The following ABCB11 variants were observed in gnomAD, a reference collection of about 807,000 sequenced individuals.
ABCB11 encodes ATP binding cassette subfamily B member 11, also known as bile salt export pump.
ABCB11 carries 95 observed loss-of-function variants against 148.0 expected under a neutral mutation model. The ratio of observed to expected loss-of-function variants is 0.64; its 90% CI spans 0.54 to 0.76. The LOEUF (loss-of-function observed/expected upper bound fraction) is 0.76. ABCB11 is among the 30% of genes least tolerant of loss of function. The probability of loss-of-function intolerance (pLI) is 0.00; values close to 1 mark genes in which losing one functional copy is unlikely to be tolerated. For missense variants in ABCB11, 1,523 were observed against 1,617.8 expected (o/e 0.94, Z 1.01); for synonymous variants, 591 against 555.4 (o/e 1.06, Z -0.90).
intron 5 of ABCB11, among the ~76,000 whole-genome samples, chr2:169,003,548 T>C (rs11901292): frequency 0.023 from 3,536 of 152,170 alleles, 138 homozygotes; most frequent in African/African-American, 0.08. Context: ...GCTATACACA[T>C]ACATATACAA....
intron 18 of ABCB11, among the ~76,000 whole-genome samples, chr2:168,962,483 G>A (rs1377658024): frequency 2.0e-5 from 3 of 151,496 alleles, no homozygotes; most frequent in African/African-American, 7.3e-5. Context: ...GGAATCTGAT[G>A]GTCCCCTACA....
Position 168,996,734 on chromosome 2 carries a change from G to A in ABCB11, c.390-12C>T. On this transcript the variant is annotated splice_polypyrimidine_tract_variant and intron_variant, in intron 5 of 27. Transcript: ENST00000650372. ...CGATGTTCAGCAACCTTCAAAAGAG[G>A]GAAAAGAATGTTCAGACTTGCAAGT... 6.6e-7 allele frequency: 1 copy of A among 1,521,182 alleles called. No homozygotes were observed. Among genetic ancestry groups the A allele is most frequent in the Non-Finnish European group, 8.9e-7 (1 of 1,126,996 alleles). The allele number at this position is 1,521,182 out of a possible 1,614,324, so 94.2% of individuals were successfully genotyped here. A position where few individuals can be genotyped will look rare whatever the true frequency, so the allele number is the denominator to read the frequency against.
At chr2:168,926,023 G>T (rs371969874) in intron 26 of ABCB11, among the ~76,000 whole-genome samples, 83 of 152,280 alleles carry the variant, frequency 5.5e-4, no homozygotes, top group African/African-American at 1.9e-3. Context: ...AGGAGACTTT[G>T]TGAAAAGAGC....
intron 21 of ABCB11, among the ~76,000 whole-genome samples, chr2:168,942,579 T>A (rs953323025): frequency 6.6e-6 from 1 of 151,818 alleles, no homozygotes; most frequent in Non-Finnish European, 1.5e-5. Flanking sequence ...AATAAATAAT[T>A]TAATTGTACA....
chr2:168,945,505 T>C (rs1692266479), intron 19 of ABCB11, among the ~76,000 whole-genome samples: 1 of 148,952 alleles, frequency 6.7e-6, no homozygotes, highest in Non-Finnish European at 1.5e-5. Context: ...GATGATAAAA[T>C]GATTAAAACA....
intron 25 of ABCB11, among the ~76,000 whole-genome samples, chr2:168,927,838 A>C (rs1199951010): frequency 2.6e-5 from 4 of 152,232 alleles, no homozygotes; most frequent in Non-Finnish European, 5.9e-5. Flanking sequence ...CCAAGTAAAA[A>C]AGGAATACAT....
downstream of ABCB11, among the ~76,000 whole-genome samples, chr2:168,920,390 T>TA (rs34869182): frequency 0.63 from 95,457 of 151,756 alleles, 30,728 homozygotes; most frequent in East Asian, 0.84. Context: ...TTTATTTTTT[T>TA]AAATAAACTC....
downstream of ABCB11, among the ~76,000 whole-genome samples, chr2:168,916,693 G>C (rs1010120112): frequency 5.9e-5 from 9 of 152,288 alleles, no homozygotes; most frequent in East Asian, 1.7e-3. Context: ...TCATTTACTT[G>C]ATCTGTAAAT....
intron 5 of ABCB11, among the ~76,000 whole-genome samples, chr2:169,012,738 TAAA>T (rs78964015): frequency 2.4e-5 from 3 of 123,696 alleles, no homozygotes; most frequent in Admixed American, 8.2e-5. Flanking sequence ...GACTCCATCT[TAAA>T]AAAAAAAAAA....
chr2:168,982,435 C>T (rs373999992), intron 10 of ABCB11, among the ~76,000 whole-genome samples: 8 of 152,178 alleles, frequency 5.3e-5, no homozygotes, highest in South Asian at 4.1e-4. Context: ...ATGAATGTCA[C>T]GCTCCATTAT....
At chr2:168,984,060 G>C (rs1017269673) in intron 10 of ABCB11, among the ~76,000 whole-genome samples, 9 of 152,018 alleles carry the variant, frequency 5.9e-5, no homozygotes, top group African/African-American at 1.5e-4. Flanking sequence ...GAGTGTAAAA[G>C]GCCTGACTGG....
intron 21 of ABCB11, among the ~76,000 whole-genome samples, chr2:168,939,820 T>C (rs1173881606): frequency 1.3e-5 from 2 of 152,150 alleles, no homozygotes; most frequent in South Asian, 2.1e-4. Context: ...ATGGTATGTG[T>C]TCATTTTATG....
chr2:168,936,633 T>C (rs866847626), intron 21 of ABCB11, among the ~76,000 whole-genome samples, 200 bp from the exon 22 acceptor site: 3 of 152,276 alleles, frequency 2.0e-5, no homozygotes, highest in Middle Eastern at 6.8e-3. Context: ...CCTAAAGCTT[T>C]TAAAATCATG....
At chr2:168,976,083 G>A (rs1693891102) in intron 12 of ABCB11, among the ~76,000 whole-genome samples, 1 of 151,990 alleles carries the variant, frequency 6.6e-6, no homozygotes, top group Non-Finnish European at 1.5e-5. Flanking sequence ...AATATCACAA[G>A]GATACCTTCC....
chr2:169,015,983 G>T (rs1213995382), intron 3 of ABCB11, among the ~76,000 whole-genome samples: 1 of 152,132 alleles, frequency 6.6e-6, no homozygotes, highest in African/African-American at 2.4e-5. Context: ...TCTGCGGATT[G>T]CTCCCATTCT....
At chr2:168,972,674 G>A (rs577387682) in intron 13 of ABCB11, among the ~76,000 whole-genome samples, 1 of 152,120 alleles carries the variant, frequency 6.6e-6, no homozygotes, top group Admixed American at 6.6e-5. Context: ...GGAAAACTCT[G>A]TTATGTTTGC....
chr2:168,970,194 C>T lies in ABCB11; in HGVS notation c.1660G>A (p.Glu554Lys). 1 of 1,612,134 alleles carries T rather than the reference C, an allele frequency of 6.2e-7. No homozygotes were observed. Among genetic ancestry groups the T allele is most frequent in the Non-Finnish European group, 8.5e-7 (1 of 1,178,894 alleles). The change falls in exon 15 of 28, where the codon GAA becomes AAA. Residue 554 changes from glutamate to lysine, a missense_variant. Coordinates refer to ENST00000650372, the MANE Select transcript of ABCB11 (RefSeq NM_003742.4). ...LPQQFDTLVG[E>K]GGGQMSGGQK... ...CCACCACTCATCTGGCCTCCTCCTT[C>T]TCCAACAAGGGTGTCAAATTGCTAG...
intron 25 of ABCB11, among the ~76,000 whole-genome samples, chr2:168,929,976 C>T (rs1574397735): frequency 1.3e-5 from 2 of 152,084 alleles, no homozygotes; most frequent in East Asian, 1.9e-4. Flanking sequence ...AAAATAGTTG[C>T]CTTTGAGCAG....
At chr2:168,972,096 G>T in intron 13 of ABCB11, 46 bp from the exon 14 acceptor site, 1 of 1,552,656 alleles carries the variant, frequency 6.4e-7, no homozygotes, top group Non-Finnish European at 8.8e-7. Flanking sequence ...ATCTTTCAGG[G>T]TTCTGAATCA....
Sources: allele counts gnomAD v4.1 joint callset (sites outside exome capture counted in the v4.1 genomes callset), GRCh38; gene constraint gnomAD v4.1.1; transcripts MANE v1.5; gene names NCBI Gene and HGNC (gene_info 2026-07-23, HGNC 2026-07-21).